The following CELF2 variants were observed in gnomAD, a reference collection of about 807,000 sequenced individuals.
CELF2 encodes CUGBP Elav-like family member 2, also known as CUG triplet repeat RNA-binding protein 2.
A neutral mutation model predicts 62.6 loss-of-function variants in CELF2; 8 were observed. The observed-to-expected ratio is 0.13, with a 90% confidence interval of 0.07 to 0.23. The LOEUF is 0.23. Ranked by LOEUF, CELF2 falls within the 10% of genes least tolerant of loss-of-function variation. The pLI, the probability that CELF2 is intolerant of heterozygous loss-of-function variation, is 1.00. For synonymous variants in CELF2, 258 were observed against 250.0 expected (o/e 1.03, Z -0.30); for missense variants, 333 against 671.0 (o/e 0.50, Z 5.56).
At position 11,280,024 on chromosome 10, in the gene CELF2, A is replaced by C. The variant is rs543288681; in HGVS notation, c.841+4904A>C. 2.0e-5 allele frequency among the ~76,000 whole-genome samples: 3 copies of C among 152,138 alleles called. 1 individual carries two copies. The East Asian group carries it at 5.8e-4, about 29-fold the overall frequency. Reference sequence around the variant, plus strand: ...ATGCAGTTTTTCTTCTCGGAAAGGAACCGTTTGCCAAGCACGCGCCCTTGC... The same window carrying C: ...ATGCAGTTTTTCTTCTCGGAAAGGACCCGTTTGCCAAGCACGCGCCCTTGC... On this transcript the variant is annotated intron_variant, in intron 8 of 12. Transcript: ENST00000633077. This position sits in a 1 kb window ranked among gnomAD's most constrained non-coding sequence, Gnocchi z 7.6.
At chr10:10,926,361 G>A (rs181319615) in intron 2 of CELF2, among the ~76,000 whole-genome samples, 3 of 152,158 alleles carry the variant, frequency 2.0e-5, no homozygotes, top group African/African-American at 7.2e-5. Context: ...CCCAATGTTT[G>A]TCTTCTCTTG....
chr10:10,728,546 T>C, the CELF2 span, among the ~76,000 whole-genome samples: 574 of 151,826 alleles, frequency 3.8e-3, 1 homozygote, highest in Middle Eastern at 0.021. Flanking sequence ...TTTGGCACTG[T>C]GCCAGCTGCT....
intron 2 of CELF2, among the ~76,000 whole-genome samples, chr10:10,958,899 G>C (rs1437941308): frequency 6.6e-6 from 1 of 152,112 alleles, no homozygotes; most frequent in Non-Finnish European, 1.5e-5. Context: ...CACAAGGTAT[G>C]TATGTATGGC....
At chr10:10,634,059 TCTTA>T in the CELF2 span, among the ~76,000 whole-genome samples, 7 of 152,098 alleles carry the variant, frequency 4.6e-5, no homozygotes, top group African/African-American at 1.7e-4. Context: ...TTCCTGGAAT[TCTTA>T]CTTTTTACTT....
At chr10:11,060,174 G>T (rs749877296) in intron 1 of CELF2, among the ~76,000 whole-genome samples, 3 of 152,168 alleles carry the variant, frequency 2.0e-5, no homozygotes, top group Non-Finnish European at 4.4e-5. Context: ...GATCTCAGAG[G>T]TACCAGCAGC....
intron 1 of CELF2, among the ~76,000 whole-genome samples, chr10:11,027,603 T>C (rs1044934554): frequency 6.6e-6 from 1 of 152,200 alleles, no homozygotes; most frequent in Non-Finnish European, 1.5e-5. Flanking sequence ...TGGTTTTTAA[T>C]TTTTCATGGA....
chr10:11,175,301 A>G (rs1262696416), intron 2 of CELF2, among the ~76,000 whole-genome samples: 1 of 152,192 alleles, frequency 6.6e-6, no homozygotes, highest in Non-Finnish European at 1.5e-5. Context: ...AGGTTAACTT[A>G]AAAGACCTCA....
At chr10:11,121,613 G>A (rs1595691717) in intron 1 of CELF2, among the ~76,000 whole-genome samples, 1 of 152,130 alleles carries the variant, frequency 6.6e-6, no homozygotes, top group African/African-American at 2.4e-5. Flanking sequence ...CGACGCAGAC[G>A]TTAGTGAAAC....
the CELF2 span, among the ~76,000 whole-genome samples, chr10:10,642,668 G>A: frequency 6.6e-6 from 1 of 152,242 alleles, no homozygotes; most frequent in African/African-American, 2.4e-5. Flanking sequence ...GAATTTTGGA[G>A]AGAAAACACT....
chr10:10,573,003 C>T, the CELF2 span, among the ~76,000 whole-genome samples: 4,958 of 152,228 alleles, frequency 0.033, 163 homozygotes, highest in East Asian at 0.1. Flanking sequence ...CCTATTTCCC[C>T]ACAGCCTTTG....
At chr10:11,064,523 T>C (rs1449333091) in intron 1 of CELF2, among the ~76,000 whole-genome samples, 1 of 152,194 alleles carries the variant, frequency 6.6e-6, no homozygotes, top group Non-Finnish European at 1.5e-5. Context: ...GAAGAAGTAA[T>C]AGCTAAGCAA....
At chr10:10,570,148 G>A in the CELF2 span, among the ~76,000 whole-genome samples, 1 of 152,106 alleles carries the variant, frequency 6.6e-6, no homozygotes, top group Non-Finnish European at 1.5e-5. Flanking sequence ...AGGGAGCTGT[G>A]GGTCTACAAG....
At chr10:10,960,485 T>G (rs1263357578) in intron 2 of CELF2, 1 of 152,248 alleles carries the variant, frequency 6.6e-6, no homozygotes, top group East Asian at 1.9e-4. Flanking sequence ...TCACTGGGCA[T>G]AGTGAAGACT....
At chr10:10,735,675 A>AT in the CELF2 span, among the ~76,000 whole-genome samples, 1 of 152,136 alleles carries the variant, frequency 6.6e-6, no homozygotes, top group East Asian at 1.9e-4. Context: ...GTAGCTTCTT[A>AT]TTTTTTGACT....
the CELF2 span, among the ~76,000 whole-genome samples, chr10:10,710,086 A>T: frequency 6.6e-6 from 1 of 152,226 alleles, no homozygotes; most frequent in South Asian, 2.1e-4. Flanking sequence ...AGGATTCCAC[A>T]ATACAGTCAT....
chr10:11,137,105 C>A (rs1256875189), intron 1 of CELF2, among the ~76,000 whole-genome samples: 1 of 152,094 alleles, frequency 6.6e-6, no homozygotes, highest in African/African-American at 2.4e-5. Flanking sequence ...TATGCACATG[C>A]ACATGTGAAA....
rs538886145 is a variant in CELF2 at position 11,290,246 on chromosome 10, C to A, written c.976+1694C>A. 6.6e-6 allele frequency among the ~76,000 whole-genome samples: 1 copy of A among 152,236 alleles called. No homozygotes were observed. Among genetic ancestry groups the A allele is most frequent in the South Asian group, 2.1e-4 (1 of 4,816 alleles). On this transcript the variant is annotated intron_variant, in intron 9 of 12. Coordinates refer to ENST00000633077, the MANE Select transcript of CELF2 (RefSeq NM_001326342.2). The surrounding 1 kb of genome is among the most constrained non-coding windows in gnomAD (Gnocchi z 4.3). ...TGAGTGTCAGATCTGTGACAGAATCCCACTGAACAAGGGGAAAGGGGACTG... is the reference window on the plus strand; with the variant it reads ...TGAGTGTCAGATCTGTGACAGAATCACACTGAACAAGGGGAAAGGGGACTG...
the CELF2 span, among the ~76,000 whole-genome samples, chr10:10,674,798 C>A: frequency 6.6e-6 from 1 of 151,790 alleles, no homozygotes; most frequent in East Asian, 1.9e-4. Flanking sequence ...GAGTGTGCCA[C>A]TTGTGTGAGT....
rs901245374 is a variant in CELF2 at position 11,008,385 on chromosome 10, C to T, written c.53+2945C>T. 6.6e-6 allele frequency among the ~76,000 whole-genome samples: 1 copy of T among 152,138 alleles called. No homozygotes were observed. Among genetic ancestry groups the T allele is most frequent in the African/African-American group, 2.4e-5 (1 of 41,426 alleles). Reference sequence around the variant, plus strand: ...CTCTAACCCCCTGTGTATGAATATTCCTTGATTTGTTAAAATGAAACCAGA... The same window carrying T: ...CTCTAACCCCCTGTGTATGAATATTTCTTGATTTGTTAAAATGAAACCAGA... On this transcript the variant is annotated intron_variant, in intron 1 of 12. Coordinates refer to the CELF2 transcript ENST00000416382. This position sits in a 1 kb window ranked among gnomAD's most constrained non-coding sequence, Gnocchi z 4.5.
Sources: gnomAD v4.1 joint callset for allele counts (sites outside exome capture counted in the v4.1 genomes callset) on GRCh38, gnomAD v4.1.1 for gene constraint, Gnocchi (gnomAD v3.1) non-coding constraint, MANE v1.5 for transcripts, NCBI Gene and HGNC (gene_info 2026-07-23, HGNC 2026-07-21) for gene names.